MAGI3: variants seen among roughly 807,000 people sequenced by gnomAD.
MAGI3 encodes the protein membrane-associated guanylate kinase, WW and PDZ domain-containing protein 3.
MAGI3 carries 43 observed loss-of-function variants against 121.8 expected under a neutral mutation model. The observed-to-expected ratio is 0.35, with a 90% CI of 0.28 to 0.46. The LOEUF (loss-of-function observed/expected upper bound fraction) is 0.46. Among genes scored for constraint, MAGI3 ranks in the 20% least tolerant of loss-of-function variants. MAGI3 has a pLI of 1.00. For synonymous variants in MAGI3, 553 were observed against 639.3 expected (o/e 0.86, Z 2.04); for missense variants, 1,547 against 1,797.3 (o/e 0.86, Z 2.52).
chr1:113,595,897 A>G (rs1302492666), intron 6 of MAGI3, among the ~76,000 whole-genome samples: 1 of 152,042 alleles, frequency 6.6e-6, no homozygotes, highest in African/African-American at 2.4e-5. Flanking sequence ...TGGGTGTGGT[A>G]GCATGCGCCT....
chr1:113,568,492 AG>A (rs759013689), intron 2 of MAGI3, among the ~76,000 whole-genome samples: 1 of 152,096 alleles, frequency 6.6e-6, no homozygotes, highest in Non-Finnish European at 1.5e-5. Flanking sequence ...ATCTGATTCT[AG>A]AATGTATATG....
chr1:113,652,552 G>A (rs915198587), intron 14 of MAGI3, among the ~76,000 whole-genome samples: 1 of 151,836 alleles, frequency 6.6e-6, no homozygotes, highest in Non-Finnish European at 1.5e-5. Context: ...GTAAAATTGT[G>A]ATGTTATACA....
chr1:113,590,709 G>A, intron 5 of MAGI3, 51 bp downstream of exon 5: 1 of 1,491,262 alleles, frequency 6.7e-7, no homozygotes, highest in Non-Finnish European at 8.9e-7. Context: ...GTTGAGGATT[G>A]TCTAAGATTT....
rs1557868924 is a variant in MAGI3, at chr1:113,641,040, AATATATATGATATAT to A, written c.1361-870_1361-856del. ...GATATATAATATATATGATATATAT[AATATATATGATATAT>A]TATATATGATATATATAATATATAT... On this transcript the variant is annotated intron_variant, in intron 9 of 20. Transcript: ENST00000307546. Among the ~76,000 whole-genome samples, 479 of 76,372 alleles carry A rather than the reference AATATATATGATATAT, an allele frequency of 6.3e-3. 10 individuals are homozygous for A. The highest frequency in any genetic ancestry group is 0.027 in the African/African-American group (454 of 16,786). The allele number at this position is 76,372 out of a possible 152,430, so 50.1% of individuals were successfully genotyped here. A position where few individuals can be genotyped will look rare whatever the true frequency, so the allele number is the denominator to read the frequency against.
chr1:113,409,597 C>T (rs1651870040), intron 1 of MAGI3, among the ~76,000 whole-genome samples: 1 of 152,048 alleles, frequency 6.6e-6, no homozygotes, highest in South Asian at 2.1e-4. Context: ...GAGTCATGTT[C>T]AACATAGGTA....
chr1:113,646,748 C>T, intron 12 of MAGI3, 106 bp downstream of exon 12: 1 of 839,064 alleles, frequency 1.2e-6, no homozygotes. Flanking sequence ...AAAGTTATTC[C>T]TTCATTACCA....
chr1:113,677,789 C>T (rs1270103362), intron 19 of MAGI3, among the ~76,000 whole-genome samples: 1 of 151,766 alleles, frequency 6.6e-6, no homozygotes, highest in Non-Finnish European at 1.5e-5. Flanking sequence ...AATTATTTTT[C>T]AATAATACAA....
chr1:113,603,660 C>T lies in MAGI3; in HGVS notation c.1018+9100C>T, dbSNP rs145682119. 5.0e-3 allele frequency among the ~76,000 whole-genome samples: 765 copies of T among 152,186 alleles called. 4 individuals are homozygous for T. The highest frequency in any genetic ancestry group is 0.018 in the African/African-American group (738 of 41,524). ...CTAATTAAACAAAAAAGCTTCTACA[C>T]AGCAAAAGAAATAATCATAAGAGTA... On this transcript the variant is annotated intron_variant, in intron 6 of 20. Transcript: ENST00000307546.
At chr1:113,578,934 A>G (rs1394144207) in intron 2 of MAGI3, among the ~76,000 whole-genome samples, 3 of 139,900 alleles carry the variant, frequency 2.1e-5, no homozygotes, top group African/African-American at 8.3e-5. Context: ...TCAGATTATT[A>G]CCATTAATTT....
intron 19 of MAGI3, 27 bp from the exon 20 acceptor site, chr1:113,681,171 T>TTGTTCC (rs781096373): frequency 1.2e-6 from 2 of 1,606,544 alleles, no homozygotes; most frequent in South Asian, 2.2e-5. Context: ...TAGTTTCATG[T>TTGTTCC]TGTTCCTGTG....
chr1:113,635,854 C>T (rs1224930484), intron 9 of MAGI3, among the ~76,000 whole-genome samples: 20 of 150,788 alleles, frequency 1.3e-4, no homozygotes, highest in African/African-American at 4.9e-4. Context: ...TCCATCTGGT[C>T]CTGGACTCTT....
intron 1 of MAGI3, among the ~76,000 whole-genome samples, chr1:113,401,706 T>C (rs1305911738): frequency 6.6e-6 from 1 of 152,218 alleles, no homozygotes; most frequent in Non-Finnish European, 1.5e-5. Flanking sequence ...AATGTTCTGG[T>C]GAATGTAGAA....
chr1:113,682,255 A>T (rs1475301465), intron 20 of MAGI3: 55 of 1,612,042 alleles, frequency 3.4e-5, no homozygotes, highest in Non-Finnish European at 4.7e-5. Context: ...AACCCGAGCA[A>T]CATTAAGGCT....
At chr1:113,669,005 G>A (rs1313248387) in intron 16 of MAGI3, among the ~76,000 whole-genome samples, 1 of 152,186 alleles carries the variant, frequency 6.6e-6, no homozygotes, top group Non-Finnish European at 1.5e-5. Context: ...CTATTGTCCT[G>A]CTCTGATGTT....
At chr1:113,603,364 A>G (rs1557847158) in intron 6 of MAGI3, among the ~76,000 whole-genome samples, 1 of 151,836 alleles carries the variant, frequency 6.6e-6, no homozygotes. Context: ...AACAACAACA[A>G]CAACAACAAC....
At position 113,658,754 on chromosome 1, in the gene MAGI3, T is replaced by A. The variant is rs1171864196; in HGVS notation, c.2630-326T>A. The stretch of plus-strand genomic sequence containing the variant: ...ACAATGAGACATCTGATCAGTCAGG[T>A]GGTATCAGTGAGATTAGTAGCTCTT... On this transcript the variant is annotated intron_variant, in intron 15 of 20. Transcript: ENST00000307546. The surrounding 1 kb of genome is among the most constrained non-coding windows in gnomAD (Gnocchi z 4.0). Among the ~76,000 whole-genome samples, 1 of 152,206 alleles carries A rather than the reference T, an allele frequency of 6.6e-6. No homozygotes were observed. The highest frequency in any genetic ancestry group is 1.5e-5 in the Non-Finnish European group (1 of 68,028).
At chr1:113,545,524 TTTAG>T (rs1211339789) in intron 1 of MAGI3, among the ~76,000 whole-genome samples, 1 of 152,222 alleles carries the variant, frequency 6.6e-6, no homozygotes, top group Non-Finnish European at 1.5e-5. Context: ...ATGCCCAGCG[TTTAG>T]TTAAATAATA....
chr1:113,428,376 A>G (rs959546979), intron 1 of MAGI3, among the ~76,000 whole-genome samples: 2 of 152,108 alleles, frequency 1.3e-5, no homozygotes, highest in African/African-American at 4.8e-5. Context: ...ATTCAGCTCT[A>G]TTTATTGAAA....
rs564943195 is a variant in MAGI3, at chr1:113,417,706, A to G, written c.316+26357A>G. Among the ~76,000 whole-genome samples the G allele has an allele frequency of 2.0e-5, 3 of 152,094 alleles. No homozygotes were observed. The South Asian group carries it at 6.2e-4, about 32-fold the overall frequency. On this transcript the variant is annotated intron_variant, in intron 1 of 20. Transcript: ENST00000307546. ...TCCTCCTGTATATGTTTCTTCCCTC[A>G]TTCATAGCATTTATCACACTATTAT...
Sources: gnomAD v4.1 joint callset for allele counts (sites outside exome capture counted in the v4.1 genomes callset) on GRCh38, gnomAD v4.1.1 for gene constraint, Gnocchi (gnomAD v3.1) non-coding constraint, MANE v1.5 for transcripts, NCBI Gene and HGNC (gene_info 2026-07-23, HGNC 2026-07-21) for gene names.